Variants in PRICKLE2 observed in about 807,000 individuals in gnomAD.
PRICKLE2 encodes prickle planar cell polarity protein 2, also known as prickle-like protein 2.
A neutral mutation model predicts 81.4 loss-of-function variants in PRICKLE2; 21 were observed. That is an observed-to-expected ratio of 0.26 (90% CI 0.18 to 0.37). PRICKLE2 has a LOEUF of 0.37. Among genes scored for constraint, PRICKLE2 ranks in the 10% least tolerant of loss-of-function variants. The pLI, the probability that PRICKLE2 is intolerant of heterozygous loss-of-function variation, is 1.00. For synonymous variants in PRICKLE2, 456 were observed against 421.5 expected (o/e 1.08, Z -1.00); for missense variants, 940 against 1,109.0 (o/e 0.85, Z 2.16).
chr3:64,260,003 T>G (rs2079593154), intron 2 of PRICKLE2, among the ~76,000 whole-genome samples: 1 of 152,146 alleles, frequency 6.6e-6, no homozygotes, highest in African/African-American at 2.4e-5. Flanking sequence ...AAGAGAGTGT[T>G]CTACAAAATG....
At chr3:64,195,629 G>A (rs1231736714) in intron 2 of PRICKLE2, among the ~76,000 whole-genome samples, 1 of 151,478 alleles carries the variant, frequency 6.6e-6, no homozygotes. Context: ...TTAGTGAACG[G>A]CATTTAGGAA....
intron 2 of PRICKLE2, among the ~76,000 whole-genome samples, chr3:64,165,836 G>C (rs1444681846): frequency 6.6e-6 from 1 of 152,116 alleles, no homozygotes; most frequent in Non-Finnish European, 1.5e-5. Flanking sequence ...CAACACTGCT[G>C]GCTTGTAGAG....
In PRICKLE2 at chr3:64,160,060, G is replaced by A. The variant is rs1437724629; in HGVS notation, c.276C>T (p.Ser92=). 1 of 1,613,920 alleles carries A rather than the reference G, an allele frequency of 6.2e-7. No homozygotes were observed. Among genetic ancestry groups the A allele is most frequent in the Non-Finnish European group, 8.5e-7 (1 of 1,180,008 alleles). ...GCTCCCTCTTCTCTTCCTCATCCAG[G>A]GAGTTGCAATATCGAACCTGAATAG... ...PHDNEVRYCN[S]LDEEEKRELK... Residue 92 remains serine (S), a synonymous_variant, in exon 4 of 8, where the codon TCC becomes TCT. Transcript: ENST00000638394.
rs190509582 is a variant in PRICKLE2 at position 64,181,394 on chromosome 3, C to T, written c.144+17390G>A. Among the ~76,000 whole-genome samples the T allele has an allele frequency of 1.1e-4, 17 of 152,308 alleles. No individual in the cohort carries two copies. In the East Asian group the frequency reaches 3.3e-3, roughly 29 times the overall value. ...ACATCCAGACTAAAACAACGCTCAT[C>T]CTCTTGCTATCACAGTCTTCATCCA... On this transcript the variant is annotated intron_variant, in intron 2 of 7. Coordinates refer to ENST00000638394, the MANE Select transcript of PRICKLE2 (RefSeq NM_198859.4).
chr3:64,240,222 T>G (rs221991), intron 2 of PRICKLE2, among the ~76,000 whole-genome samples: 33,558 of 152,034 alleles, frequency 0.22, 4,651 homozygotes, highest in African/African-American at 0.4. Context: ...TTTGGCCAGT[T>G]ACATGGGGAG....
upstream of PRICKLE2, among the ~76,000 whole-genome samples, chr3:64,226,345 G>C (rs1447270870): frequency 6.6e-6 from 1 of 152,186 alleles, no homozygotes; most frequent in East Asian, 1.9e-4. Flanking sequence ...CTGGAAGAAA[G>C]GAATCTATAC....
intron 1 of PRICKLE2, among the ~76,000 whole-genome samples, chr3:64,210,142 GC>G (rs2078761545): frequency 6.6e-6 from 1 of 152,094 alleles, no homozygotes; most frequent in South Asian, 2.1e-4. Flanking sequence ...AGGGGACGGT[GC>G]CATTTTAGTG....
At chr3:64,105,313 T>C (rs1355823102) in intron 7 of PRICKLE2, among the ~76,000 whole-genome samples, 1 of 152,226 alleles carries the variant, frequency 6.6e-6, no homozygotes, top group Non-Finnish European at 1.5e-5. Flanking sequence ...TAAGGTCATA[T>C]GTAAGTTTGT....
At position 64,207,879 on chromosome 3, in the gene PRICKLE2, C is replaced by T. The variant is rs193050428; in HGVS notation, c.-40-8912G>A. 4.1e-4 allele frequency among the ~76,000 whole-genome samples: 62 copies of T among 152,302 alleles called. No individual in the cohort carries two copies. In the East Asian group the frequency reaches 0.012, roughly 28 times the overall value. On this transcript the variant is annotated intron_variant, in intron 1 of 7. Coordinates refer to ENST00000638394, the MANE Select transcript of PRICKLE2 (RefSeq NM_198859.4). Reference sequence around the variant, plus strand: ...GCTAGTCATATAACCTCCAATGCTGCGATAACTTACATCACTTCAAACCAT... The same window carrying T: ...GCTAGTCATATAACCTCCAATGCTGTGATAACTTACATCACTTCAAACCAT...
chr3:64,093,192 T>C lies in PRICKLE2; in HGVS notation c.*5859A>G. The C allele has an allele frequency of 5.9e-6, 1 of 170,516 alleles. No homozygotes were observed. Among genetic ancestry groups the C allele is most frequent in the Admixed American group, 6.1e-5 (1 of 16,464 alleles). The allele number at this position is 170,516 out of a possible 1,614,324, so 10.6% of individuals were successfully genotyped here. A position where few individuals can be genotyped will look rare whatever the true frequency, so the allele number is the denominator to read the frequency against. On this transcript the variant is annotated 3_prime_UTR_variant, in exon 8 of 8. Transcript: ENST00000638394. ...AGGTTCATCCATGTTGTAGCATGTG[T>C]CAGAATTTCCTTCCGTTTTAAGGCT...
intron 1 of PRICKLE2, among the ~76,000 whole-genome samples, chr3:64,217,668 G>A (rs2078893222): frequency 6.6e-6 from 1 of 152,164 alleles, no homozygotes; most frequent in Non-Finnish European, 1.5e-5. Flanking sequence ...TGGGCCAACT[G>A]TAACTCATGG....
chr3:64,154,867 G>A (rs1406278125), intron 5 of PRICKLE2: 2 of 152,036 alleles, frequency 1.3e-5, no homozygotes, highest in South Asian at 2.1e-4. Flanking sequence ...GAGAAAAATA[G>A]GCCAAGTACA....
At chr3:64,186,484 G>A (rs959842731) in intron 2 of PRICKLE2, among the ~76,000 whole-genome samples, 4 of 152,110 alleles carry the variant, frequency 2.6e-5, no homozygotes, top group Admixed American at 6.5e-5. Flanking sequence ...AGTTATCGGA[G>A]GCCAGCACAA....
rs144401119 is a variant in PRICKLE2, at chr3:64,251,034, T to A, written c.129-52067A>T. Among the ~76,000 whole-genome samples the A allele has an allele frequency of 8.5e-5, 13 of 152,304 alleles. No individual in the cohort carries two copies. In the East Asian group the frequency reaches 2.5e-3, roughly 29 times the overall value. ...TGTCTATCTTCACCCATTAGACATA[T>A]CAGATCACGAGGGCAGGGACTTTGT... On this transcript the variant is annotated intron_variant, in intron 2 of 8. Transcript: ENST00000295902.
At position 64,147,818 on chromosome 3, in the gene PRICKLE2, G is replaced by A. The variant is rs2077482640; in HGVS notation, c.788-116C>T. ...GATTCCAGGTGCGGCAGGATAAACT[G>A]TCAATAAATCAACAATCAGACCCTT... On this transcript the variant is annotated intron_variant, in intron 6 of 7. Coordinates refer to ENST00000638394, the MANE Select transcript of PRICKLE2 (RefSeq NM_198859.4). The surrounding 1 kb of genome is among the most constrained non-coding windows in gnomAD (Gnocchi z 5.0). The A allele has an allele frequency of 3.7e-6, 4 of 1,092,130 alleles. No individual in the cohort carries two copies. The highest frequency in any genetic ancestry group is 3.1e-5 in the African/African-American group (2 of 64,626). The allele number at this position is 1,092,130 out of a possible 1,614,324, so 67.7% of individuals were successfully genotyped here.
In PRICKLE2 at chr3:64,151,076, AGGCAAAAGTACC is replaced by A. The variant is rs1364607322; in HGVS notation, c.787+2094_787+2105del. ...TAGGACTGTTTACTCTGCTGTGCAC[AGGCAAAAGTACC>A]GTTGCCCTAGCAACGGCTGCCTGAC... is the stretch of plus-strand genomic sequence containing the variant. On this transcript the variant is annotated intron_variant, in intron 6 of 7. Coordinates refer to ENST00000638394, the MANE Select transcript of PRICKLE2 (RefSeq NM_198859.4). 3.3e-5 allele frequency among the ~76,000 whole-genome samples: 5 copies of A among 152,330 alleles called. No individual in the cohort carries two copies. The East Asian group carries it at 9.7e-4, about 29-fold the overall frequency.
intron 7 of PRICKLE2, among the ~76,000 whole-genome samples, chr3:64,109,148 C>T (rs7628583): frequency 0.14 from 20,940 of 152,098 alleles, 1,755 homozygotes; most frequent in Middle Eastern, 0.28. Context: ...ACAGGAGCCT[C>T]GTCACGATGG....
intron 1 of PRICKLE2, among the ~76,000 whole-genome samples, chr3:64,206,721 G>A (rs1427468944): frequency 6.6e-6 from 1 of 152,184 alleles, no homozygotes; most frequent in Non-Finnish European, 1.5e-5. Flanking sequence ...TGACTGACAA[G>A]GAATGCACAA....
At position 64,175,393 on chromosome 3, in the gene PRICKLE2, C is replaced by T. The variant is rs1031875048; in HGVS notation, c.145-12264G>A. ...TTGATGGCTAGCTAGTTAGTTTCTACAGAACACTAGTTCACCTACTTCTTA... is the reference window on the plus strand; with the variant it reads ...TTGATGGCTAGCTAGTTAGTTTCTATAGAACACTAGTTCACCTACTTCTTA... On this transcript the variant is annotated intron_variant, in intron 2 of 7. Coordinates refer to ENST00000638394, the MANE Select transcript of PRICKLE2 (RefSeq NM_198859.4). Among the ~76,000 whole-genome samples the T allele has an allele frequency of 7.2e-5, 11 of 152,140 alleles. No homozygotes were observed. The East Asian group carries it at 2.1e-3, about 29-fold the overall frequency.
Sources: gnomAD v4.1 joint callset for allele counts (sites outside exome capture counted in the v4.1 genomes callset) on GRCh38, gnomAD v4.1.1 for gene constraint, Gnocchi (gnomAD v3.1) non-coding constraint, MANE v1.5 for transcripts, NCBI Gene and HGNC (gene_info 2026-07-23, HGNC 2026-07-21) for gene names.